The following RCAN2 variants were observed in gnomAD, a reference collection of about 807,000 sequenced individuals.
The protein encoded by RCAN2 is regulator of calcineurin 2, also known as calcipressin-2.
In RCAN2, 9 loss-of-function variants were observed where a neutral mutation model predicts 23.6. The ratio of observed to expected loss-of-function variants is 0.38; its 90% CI spans 0.23 to 0.67. The LOEUF (loss-of-function observed/expected upper bound fraction) is 0.67. RCAN2 is among the 30% of genes least tolerant of loss of function. RCAN2 has a pLI of 0.51. For missense variants in RCAN2, 273 were observed against 302.3 expected (o/e 0.90, Z 0.72); for synonymous variants, 109 against 115.7 (o/e 0.94, Z 0.37).
At chr6:46,423,696 C>T (rs957055400) in intron 2 of RCAN2, among the ~76,000 whole-genome samples, 2 of 152,174 alleles carry the variant, frequency 1.3e-5, no homozygotes, top group African/African-American at 2.4e-5. Context: ...CTGATTATCA[C>T]ATTTTAAATC....
intron 2 of RCAN2, among the ~76,000 whole-genome samples, chr6:46,367,022 GATATATATATAT>G (rs60245042): frequency 0.026 from 1,531 of 59,682 alleles, 184 homozygotes; most frequent in African/African-American, 0.068. Flanking sequence ...ATCTGGGATG[GATATATATATAT>G]ATATATATAT....
At chr6:46,470,171 G>A (rs1356225573) in intron 1 of RCAN2, among the ~76,000 whole-genome samples, 1 of 152,144 alleles carries the variant, frequency 6.6e-6, no homozygotes, top group Non-Finnish European at 1.5e-5. Context: ...TAGACACCAT[G>A]ATAGTCAAGA....
chr6:46,451,843 A>G (rs567059181), intron 2 of RCAN2, among the ~76,000 whole-genome samples: 1 of 152,308 alleles, frequency 6.6e-6, no homozygotes, highest in Non-Finnish European at 1.5e-5. Flanking sequence ...CTTTCACCAC[A>G]TGCCCATTCT....
At chr6:46,237,894 C>T (rs1285886222) in intron 4 of RCAN2, among the ~76,000 whole-genome samples, 4 of 152,220 alleles carry the variant, frequency 2.6e-5, no homozygotes, top group Admixed American at 6.5e-5. Flanking sequence ...GAACTCTCAG[C>T]TAATAGCACC....
At chr6:46,256,738 T>C (rs966413635) in intron 2 of RCAN2, among the ~76,000 whole-genome samples, 11 of 152,152 alleles carry the variant, frequency 7.2e-5, no homozygotes, top group African/African-American at 2.2e-4. Context: ...TATAAAGATA[T>C]ATTATGGCAA....
chr6:46,231,921 A>T (rs1160403630), intron 4 of RCAN2, among the ~76,000 whole-genome samples: 3 of 152,204 alleles, frequency 2.0e-5, no homozygotes, highest in African/African-American at 7.2e-5. Context: ...CTGGATATTG[A>T]TAGTACAGAG....
At chr6:46,236,179 A>G (rs1267887505) in intron 4 of RCAN2, among the ~76,000 whole-genome samples, 2 of 152,240 alleles carry the variant, frequency 1.3e-5, no homozygotes, top group African/African-American at 4.8e-5. Context: ...AACAATTGCA[A>G]AGAGCTTTTC....
At chr6:46,323,198 G>C (rs1375398778) in intron 2 of RCAN2, among the ~76,000 whole-genome samples, 1 of 152,106 alleles carries the variant, frequency 6.6e-6, no homozygotes, top group African/African-American at 2.4e-5. Flanking sequence ...TTCAGAGAGT[G>C]CCTACAAAGA....
rs1358036691 is a variant in RCAN2 at position 46,345,832 on chromosome 6, T to C, written c.226-96936A>G. On this transcript the variant is annotated intron_variant, in intron 2 of 4. Transcript: ENST00000371374. ...CCGTGAAAATACAAATCAATGTTAC[T>C]TTTTTCACTATTTTTTGTTCTGGAA... Among the ~76,000 whole-genome samples, 4 of 152,308 alleles carry C rather than the reference T, an allele frequency of 2.6e-5. No homozygotes were observed. In the East Asian group the frequency reaches 7.7e-4, roughly 29 times the overall value.
chr6:46,368,666 C>T (rs1765242886), intron 2 of RCAN2, among the ~76,000 whole-genome samples: 1 of 152,058 alleles, frequency 6.6e-6, no homozygotes, highest in South Asian at 2.1e-4. Context: ...AACATATCTA[C>T]ACATAGAAAA....
At chr6:46,238,046 A>C (rs1464826966) in intron 4 of RCAN2, among the ~76,000 whole-genome samples, 1 of 152,108 alleles carries the variant, frequency 6.6e-6, no homozygotes, top group Non-Finnish European at 1.5e-5. Context: ...AAAATAAATG[A>C]CTGTTGTCTT....
In RCAN2 at chr6:46,402,760, C is replaced by T. The variant is rs529646857; in HGVS notation, c.225+53992G>A. Among the ~76,000 whole-genome samples, 7 of 152,296 alleles carry T rather than the reference C, an allele frequency of 4.6e-5. No homozygotes were observed. In the South Asian group the frequency reaches 1.5e-3, roughly 32 times the overall value. On this transcript the variant is annotated intron_variant, in intron 2 of 4. Transcript: ENST00000371374. ...ACATATTTCTACACAGCTGGCCATA[C>T]TTTTTGAACCTAAGGATAAAAATGA...
At chr6:46,374,212 T>C (rs1765400630) in intron 2 of RCAN2, among the ~76,000 whole-genome samples, 1 of 152,186 alleles carries the variant, frequency 6.6e-6, no homozygotes, top group Non-Finnish European at 1.5e-5. Context: ...GTACCTATTA[T>C]ATCAAAACTC....
At chr6:46,271,407 C>A (rs1198766598) in intron 2 of RCAN2, among the ~76,000 whole-genome samples, 1 of 152,202 alleles carries the variant, frequency 6.6e-6, no homozygotes, top group Non-Finnish European at 1.5e-5. Flanking sequence ...GGTTAAACTG[C>A]TTTACTCAGA....
chr6:46,262,588 TTAAATAAATAAA>T (rs10526400), intron 2 of RCAN2, among the ~76,000 whole-genome samples: 3 of 146,480 alleles, frequency 2.0e-5, no homozygotes, highest in African/African-American at 5.1e-5. Context: ...AGCCTCTGTC[TTAAATAAATAAA>T]TAAATAAATA....
intron 2 of RCAN2, among the ~76,000 whole-genome samples, chr6:46,396,017 A>C (rs1766079509): frequency 6.6e-6 from 1 of 152,168 alleles, no homozygotes; most frequent in Non-Finnish European, 1.5e-5. Context: ...CTTTACCTTC[A>C]ATCAATTTTT....
intron 2 of RCAN2, among the ~76,000 whole-genome samples, chr6:46,329,724 T>C (rs937888704): frequency 2.6e-5 from 4 of 152,170 alleles, no homozygotes; most frequent in African/African-American, 9.7e-5. Flanking sequence ...GAGTGTCCTT[T>C]CCAGCTGAAG....
At chr6:46,471,025 C>T (rs1301555044) in intron 1 of RCAN2, among the ~76,000 whole-genome samples, 1 of 152,132 alleles carries the variant, frequency 6.6e-6, no homozygotes, top group African/African-American at 2.4e-5. Flanking sequence ...AGAGCATTTG[C>T]TATTTTATAC....
chr6:46,342,081 TTGAC>T (rs1413971003), intron 2 of RCAN2, among the ~76,000 whole-genome samples: 1 of 152,180 alleles, frequency 6.6e-6, no homozygotes, highest in Non-Finnish European at 1.5e-5. Context: ...ACATTCCTCT[TTGAC>T]TGAGATATGT....
Sources: allele counts gnomAD v4.1 joint callset (sites outside exome capture counted in the v4.1 genomes callset), GRCh38; gene constraint gnomAD v4.1.1; transcripts MANE v1.5; gene names NCBI Gene and HGNC (gene_info 2026-07-23, HGNC 2026-07-21).